Variants in COP1 observed in about 807,000 individuals in gnomAD.
COP1 encodes the protein COP1 E3 ubiquitin ligase, also known as E3 ubiquitin-protein ligase COP1.
COP1 carries 24 observed loss-of-function variants against 101.3 expected under a neutral mutation model. That is an observed-to-expected ratio of 0.24 (90% confidence interval 0.17 to 0.33). COP1 has a LOEUF of 0.33. COP1 is among the 10% of genes least tolerant of loss of function. COP1 has a pLI of 1.00. For synonymous variants in COP1, 347 were observed against 341.9 expected (o/e 1.01, Z -0.17); for missense variants, 663 against 906.2 (o/e 0.73, Z 3.45).
chr1:175,987,321 G>A (rs1657357728), intron 17 of COP1, among the ~76,000 whole-genome samples: 2 of 152,100 alleles, frequency 1.3e-5, no homozygotes, highest in African/African-American at 4.8e-5. Flanking sequence ...AGTGTTAAAT[G>A]ATACAACAAT....
intron 9 of COP1, among the ~76,000 whole-genome samples, chr1:176,108,982 C>A (rs539352161): frequency 6.6e-6 from 1 of 151,818 alleles, no homozygotes; most frequent in East Asian, 1.9e-4. Flanking sequence ...CGCGGTGGTG[C>A]GCACCTGCAG....
At chr1:175,976,270 C>CTTTT (rs10694480) in intron 18 of COP1, among the ~76,000 whole-genome samples, 3,132 of 56,728 alleles carry the variant, frequency 0.055, 925 homozygotes, top group Non-Finnish European at 0.067. Flanking sequence ...ATTAGTCATT[C>CTTTT]TTTTTTTTTT....
At chr1:175,996,269 T>C (rs1164974622) in intron 15 of COP1, among the ~76,000 whole-genome samples, 1 of 152,274 alleles carries the variant, frequency 6.6e-6, no homozygotes, top group African/African-American at 2.4e-5. Flanking sequence ...GAGCTATCTA[T>C]GACCAACCCG....
At chr1:176,121,313 G>A (rs1340013814) in intron 8 of COP1, among the ~76,000 whole-genome samples, 1 of 151,956 alleles carries the variant, frequency 6.6e-6, no homozygotes, top group African/African-American at 2.4e-5. Flanking sequence ...CAATTTTGCA[G>A]AGACCTCCAG....
At chr1:176,128,801 A>G (rs1688453419) in intron 8 of COP1, among the ~76,000 whole-genome samples, 1 of 152,010 alleles carries the variant, frequency 6.6e-6, no homozygotes, top group African/African-American at 2.4e-5. Flanking sequence ...CAAATAAAAT[A>G]AAGTTGTTGA....
At chr1:176,006,170 C>T (rs1007004516) in intron 15 of COP1, among the ~76,000 whole-genome samples, 27 of 151,944 alleles carry the variant, frequency 1.8e-4, no homozygotes, top group Non-Finnish European at 2.9e-4. Context: ...AGGATTGCAA[C>T]CCCTGCCTTT....
At chr1:176,101,609 A>C (rs574116796) in intron 9 of COP1, among the ~76,000 whole-genome samples, 14 of 152,308 alleles carry the variant, frequency 9.2e-5, no homozygotes, top group African/African-American at 3.4e-4. Flanking sequence ...AAAGGGTAAA[A>C]GTTTGTTTTA....
Position 176,034,743 on chromosome 1 carries a change from C to T in COP1, c.1613-7055G>A, listed in dbSNP as rs150749659. On this transcript the variant is annotated intron_variant, in intron 14 of 19. Coordinates refer to ENST00000367669, the MANE Select transcript of COP1 (RefSeq NM_022457.7). ...ACAAAGCAGAGCAGCAAATGCTTTGCGCACTGAACTACAGTTGAAAAGATG... is the reference window on the plus strand; with the variant it reads ...ACAAAGCAGAGCAGCAAATGCTTTGTGCACTGAACTACAGTTGAAAAGATG... Among the ~76,000 whole-genome samples, 400 of 152,292 alleles carry T rather than the reference C, an allele frequency of 2.6e-3. 3 individuals are homozygous for T. Among genetic ancestry groups the T allele is most frequent in the African/African-American group, 9.2e-3 (382 of 41,574 alleles).
At chr1:176,026,500 G>A (rs2149061825) in intron 15 of COP1, among the ~76,000 whole-genome samples, 1 of 152,072 alleles carries the variant, frequency 6.6e-6, no homozygotes, top group Non-Finnish European at 1.5e-5. Context: ...TTGTGACAAA[G>A]TAAGTATTTA....
intron 11 of COP1, among the ~76,000 whole-genome samples, chr1:176,066,187 C>T (rs1455483211): frequency 6.6e-6 from 1 of 152,132 alleles, no homozygotes; most frequent in Non-Finnish European, 1.5e-5. Context: ...CTCTTTATTG[C>T]CCTTTGTTCA....
intron 18 of COP1, chr1:175,982,347 G>T (rs746830170): frequency 1.3e-5 from 6 of 456,308 alleles, no homozygotes; most frequent in African/African-American, 8.0e-5. Context: ...GAAAACACAG[G>T]TTTGAACTGT....
At chr1:176,038,847 G>A (rs149983548) in intron 14 of COP1, among the ~76,000 whole-genome samples, 94 of 150,364 alleles carry the variant, frequency 6.3e-4, no homozygotes, top group Non-Finnish European at 9.3e-4. Context: ...GAAAAAGATA[G>A]ATACACAGAT....
rs1223953823 is a variant in COP1 at position 176,147,206 on chromosome 1, T to TA, written c.831+1799dup. On this transcript the variant is annotated intron_variant, in intron 6 of 19. Coordinates refer to ENST00000367669, the MANE Select transcript of COP1 (RefSeq NM_022457.7). Reference sequence around the variant, plus strand: ...TAACAATTATATTCATTTTGAAGATTAAACACGCAAATAGACTTACATGGA... The same window carrying TA: ...TAACAATTATATTCATTTTGAAGATTAAAACACGCAAATAGACTTACATGGA... Among the ~76,000 whole-genome samples the TA allele has an allele frequency of 4.6e-5, 7 of 152,278 alleles. No homozygotes were observed. The East Asian group carries it at 1.3e-3, about 29-fold the overall frequency.
At chr1:176,185,131 T>C (rs1332801634) in intron 1 of COP1, among the ~76,000 whole-genome samples, 2 of 152,180 alleles carry the variant, frequency 1.3e-5, no homozygotes, top group African/African-American at 4.8e-5. Context: ...TTTATTATTC[T>C]AGTTTCGACA....
At chr1:175,988,233 A>G in intron 17 of COP1, 55 bp downstream of exon 17, 1 of 1,529,940 alleles carries the variant, frequency 6.5e-7, no homozygotes, top group East Asian at 2.3e-5. Flanking sequence ...CACTGAGTTC[A>G]ATTTCAATAA....
intron 5 of COP1, among the ~76,000 whole-genome samples, chr1:176,161,311 C>T (rs1029879427): frequency 1.3e-5 from 2 of 152,036 alleles, no homozygotes; most frequent in South Asian, 2.1e-4. Flanking sequence ...ATTTTAGGGC[C>T]GGAAGCAGTG....
At chr1:176,179,836 T>C (rs1166931298) in intron 2 of COP1, among the ~76,000 whole-genome samples, 1 of 149,786 alleles carries the variant, frequency 6.7e-6, no homozygotes, top group African/African-American at 2.5e-5. Flanking sequence ...TCCACATCAA[T>C]AGGCTTACTA....
In COP1 at chr1:176,123,003, A is replaced by G. The variant is rs541878810; in HGVS notation, c.969-6322T>C. On this transcript the variant is annotated intron_variant, in intron 8 of 19. Transcript: ENST00000367669. ...TGATTTGACTCCAACAAAATAAGTTAAAGTTTCAGTTCATTACACAACGTG... is the reference window on the plus strand; with the variant it reads ...TGATTTGACTCCAACAAAATAAGTTGAAGTTTCAGTTCATTACACAACGTG... Among the ~76,000 whole-genome samples the G allele has an allele frequency of 3.9e-5, 6 of 152,304 alleles. No individual in the cohort carries two copies. The East Asian group carries it at 1.2e-3, about 29-fold the overall frequency.
chr1:176,164,635 T>C (rs1572626760), intron 3 of COP1, among the ~76,000 whole-genome samples: 1 of 152,164 alleles, frequency 6.6e-6, no homozygotes, highest in African/African-American at 2.4e-5. Flanking sequence ...ACCTCAAGAA[T>C]AGCCAGCCAA....
Sources: gnomAD v4.1 joint callset for allele counts (sites outside exome capture counted in the v4.1 genomes callset) on GRCh38, gnomAD v4.1.1 for gene constraint, MANE v1.5 for transcripts, NCBI Gene and HGNC (gene_info 2026-07-23, HGNC 2026-07-21) for gene names.